The following USP40 variants were observed in gnomAD, a reference collection of about 807,000 sequenced individuals.
USP40 encodes the protein ubiquitin specific peptidase 40, also known as ubiquitin carboxyl-terminal hydrolase 40.
In USP40, 143 loss-of-function variants were observed where a neutral mutation model predicts 166.2. The observed-to-expected ratio is 0.86, with a 90% CI of 0.75 to 0.99. The LOEUF is 0.99. Ranked by LOEUF, USP40 falls within the 50% of genes least tolerant of loss-of-function variation. USP40 has a pLI of 0.00. For synonymous variants in USP40, 498 were observed against 524.0 expected (o/e 0.95, Z 0.68); for missense variants, 1,444 against 1,479.7 (o/e 0.98, Z 0.40).
At position 233,477,318 on chromosome 2, in the gene USP40, C is replaced by T. The variant is rs747442295; in HGVS notation, c.*74G>A. 1.4e-6 allele frequency: 2 copies of T among 1,404,156 alleles called. No individual in the cohort carries two copies. Among genetic ancestry groups the T allele is most frequent in the Non-Finnish European group, 2.0e-6 (2 of 1,012,200 alleles). The allele number at this position is 1,404,156 out of a possible 1,614,324, so 87.0% of individuals were successfully genotyped here. A position where few individuals can be genotyped will look rare whatever the true frequency, so the allele number is the denominator to read the frequency against. ...GATTGGAGGCGCCAGGCAGCCAGTC[C>T]CCATGCCCAGGAAACCCACGTTTGT... On this transcript the variant is annotated 3_prime_UTR_variant, in exon 32 of 32. Transcript: ENST00000678225.
intron 5 of USP40, 99 bp from the exon 6 acceptor site, chr2:233,554,625 T>C: frequency 3.3e-6 from 3 of 915,960 alleles, no homozygotes; most frequent in Non-Finnish European, 4.5e-6. Flanking sequence ...ATATATGTTT[T>C]CTAAAACATT....
rs1559240008 is a variant in USP40, at chr2:233,512,584, TCC to T, written c.2420_2421del (p.Gly807GlufsTer45). The T allele has an allele frequency of 1.3e-6, 2 of 1,584,386 alleles. No individual in the cohort carries two copies. Among genetic ancestry groups the T allele is most frequent in the Admixed American group, 3.6e-5 (2 of 55,886 alleles). ...NSCLRPIDRN[G>X]KLLCPVPDSY... is the part of the protein sequence containing the mutation. ...AAAGATTTACCTGGACAAAGAAGCT[TCC>T]CATTTCTATCAATAGGTCTCAAACA... is the stretch of plus-strand genomic sequence containing the variant. On this transcript the variant is annotated frameshift_variant, in exon 19 of 32. Transcript: ENST00000678225. LOFTEE classifies it high-confidence loss of function.
intron 25 of USP40, among the ~76,000 whole-genome samples, chr2:233,491,857 T>C (rs1244565813): frequency 1.3e-5 from 2 of 152,192 alleles, no homozygotes; most frequent in East Asian, 1.9e-4. Context: ...TCAAAAACAA[T>C]ATAAAAGCTG....
intron 24 of USP40, 70 bp downstream of exon 24, chr2:233,496,688 G>T: frequency 7.5e-7 from 1 of 1,329,054 alleles, no homozygotes; most frequent in Non-Finnish European, 1.1e-6. Flanking sequence ...CCCTAAATGA[G>T]GCTGTATCAT....
chr2:233,500,811 C>T (rs2066029042), intron 21 of USP40, among the ~76,000 whole-genome samples: 1 of 152,174 alleles, frequency 6.6e-6, no homozygotes, highest in African/African-American at 2.4e-5. Flanking sequence ...AAGCAAAGCA[C>T]ACTCTTCATT....
At position 233,506,499 on chromosome 2, in the gene USP40, C is replaced by T. The variant is rs113264883; in HGVS notation, c.2613+3550G>A. ...AGCACAGGCAACAAAAGAACATAGACAAATGGGATTATAGCAAACTAAAAA... is the reference window on the plus strand; with the variant it reads ...AGCACAGGCAACAAAAGAACATAGATAAATGGGATTATAGCAAACTAAAAA... On this transcript the variant is annotated intron_variant, in intron 21 of 31. Coordinates refer to ENST00000678225, the MANE Select transcript of USP40 (RefSeq NM_001365479.2). 6.9e-3 allele frequency among the ~76,000 whole-genome samples: 1,055 copies of T among 152,102 alleles called. 10 individuals carry two copies. The highest frequency in any genetic ancestry group is 0.024 in the African/African-American group (982 of 41,516).
At chr2:233,519,207 C>G (rs997091166) in intron 18 of USP40, among the ~76,000 whole-genome samples, 1 of 152,110 alleles carries the variant, frequency 6.6e-6, no homozygotes, top group Non-Finnish European at 1.5e-5. Flanking sequence ...CTGATGATTA[C>G]TGAATTAAAC....
chr2:233,556,893 T>C lies in USP40; in HGVS notation c.508A>G (p.Ile170Val). The change falls in exon 5 of 32, where the codon ATT becomes GTT. Residue 170 changes from isoleucine to valine, a missense_variant. Physicochemically the swap from Ile to Val is conservative, Grantham distance 29 (BLOSUM62 3). Transcript: ENST00000678225. ...RLYHGTIVNQIVCKECKNVSE... is the reference protein window; with the variant it reads ...RLYHGTIVNQVVCKECKNVSE... ...ACGTTCTTACATTCTTTACAAACAA[T>C]CTGGTTAACAATGGTTCCATGGTAC... 1.9e-6 allele frequency: 3 copies of C among 1,612,698 alleles called. No individual in the cohort carries two copies. The highest frequency in any genetic ancestry group is 2.5e-6 in the Non-Finnish European group (3 of 1,179,608).
chr2:233,521,181 T>C lies in USP40; in HGVS notation c.2202-67A>G, dbSNP rs142003954. The C allele has an allele frequency of 2.4e-3, 3,674 of 1,525,556 alleles. 23 individuals carry two copies. The highest frequency in any genetic ancestry group is 0.012 in the South Asian group (924 of 77,842). The allele number at this position is 1,525,556 out of a possible 1,614,324, so 94.5% of individuals were successfully genotyped here. A position where few individuals can be genotyped will look rare whatever the true frequency, so the allele number is the denominator to read the frequency against. Reference sequence around the variant, plus strand: ...TAGGCATCACTTCCAAAACTCTGCATGTGTCACTTAATGTGACTAATTAGA... The same window carrying C: ...TAGGCATCACTTCCAAAACTCTGCACGTGTCACTTAATGTGACTAATTAGA... On this transcript the variant is annotated intron_variant, in intron 16 of 31. Coordinates refer to ENST00000678225, the MANE Select transcript of USP40 (RefSeq NM_001365479.2).
At chr2:233,524,668 G>C (rs2067893451) in intron 14 of USP40, 106 bp from the exon 15 acceptor site, 1 of 805,380 alleles carries the variant, frequency 1.2e-6, no homozygotes, top group South Asian at 2.8e-5. Context: ...TTTCACTAAG[G>C]AAAATTTAAA....
intron 10 of USP40, among the ~76,000 whole-genome samples, chr2:233,534,646 A>AAC (rs1464565139): frequency 3.9e-5 from 6 of 152,118 alleles, no homozygotes; most frequent in Admixed American, 2.0e-4. Context: ...ACCCAAAGAC[A>AAC]ACATTGTTAA....
intron 24 of USP40, among the ~76,000 whole-genome samples, chr2:233,494,757 C>T (rs527735411): frequency 3.4e-4 from 49 of 143,468 alleles, no homozygotes; most frequent in Admixed American, 1.0e-3. Context: ...CCCAGGAGAT[C>T]GAGCTTGCAG....
At chr2:233,492,973 T>A (rs1250842388) in intron 25 of USP40, 2 of 178,060 alleles carry the variant, frequency 1.1e-5, no homozygotes, top group African/African-American at 4.7e-5. Flanking sequence ...TGAGATGATA[T>A]CAAATGCCCT....
intron 18 of USP40, among the ~76,000 whole-genome samples, chr2:233,516,746 A>T (rs2067226553): frequency 1.3e-5 from 2 of 151,550 alleles, no homozygotes; most frequent in African/African-American, 2.4e-5. Flanking sequence ...TAACCCAGAT[A>T]TTCGGGAGGC....
rs371298437 is a variant in USP40 at position 233,557,030 on chromosome 2, G to C, written c.382-11C>G. On this transcript the variant is annotated splice_polypyrimidine_tract_variant and intron_variant, in intron 4 of 31. Transcript: ENST00000678225. ...ATGTTGCCTCATTTCCTACAAAACA[G>C]GTAACTTTTAGATGTAATTCCGGGC... 2 of 1,602,120 alleles carry C rather than the reference G, an allele frequency of 1.2e-6. No individual in the cohort carries two copies. The highest frequency in any genetic ancestry group is 1.7e-6 in the Non-Finnish European group (2 of 1,175,672).
At chr2:233,566,162 G>A (rs147624581) in intron 1 of USP40, among the ~76,000 whole-genome samples, 1 of 151,884 alleles carries the variant, frequency 6.6e-6, no homozygotes, top group African/African-American at 2.4e-5. Flanking sequence ...GGGGAGGGAG[G>A]GGGGAAGGGG....
In USP40 at chr2:233,551,445, G is replaced by A. The variant is rs765896913; in HGVS notation, c.768C>T (p.Cys256=). ...AACAGCTAGTTTCCTTGTAGCGTTC[G>A]CATTTCACAAAATCAAAATTAAATC... The part of the protein sequence containing the change: ...LLRFNFDFVK[C]ERYKETSCYT... The change falls in exon 7 of 32, where the codon TGC becomes TGT. Residue 256 remains cysteine (C), a synonymous_variant. Coordinates refer to ENST00000678225, the MANE Select transcript of USP40 (RefSeq NM_001365479.2). 5.0e-6 allele frequency: 8 copies of A among 1,612,082 alleles called. No individual in the cohort carries two copies. The Admixed American group carries it at 6.7e-5, about 13-fold the overall frequency.
intron 10 of USP40, among the ~76,000 whole-genome samples, chr2:233,534,625 T>G (rs1338450502): frequency 6.6e-6 from 1 of 152,066 alleles, no homozygotes; most frequent in Admixed American, 6.6e-5. Context: ...AACAGAAGAG[T>G]GTAGGGCATA....
intron 24 of USP40, 64 bp downstream of exon 24, chr2:233,496,694 A>G: frequency 7.1e-7 from 1 of 1,408,558 alleles, no homozygotes. Flanking sequence ...ATGAGGCTGT[A>G]TCATCTCTGT....
Sources: gnomAD v4.1 joint callset for allele counts (sites outside exome capture counted in the v4.1 genomes callset) on GRCh38, gnomAD v4.1.1 for gene constraint, MANE v1.5 for transcripts, NCBI Gene and HGNC (gene_info 2026-07-23, HGNC 2026-07-21) for gene names.